Variants in PALS1 observed in about 807,000 individuals in gnomAD.
PALS1 encodes the protein protein associated with LIN7 1, MAGUK p55 family member.
A neutral mutation model predicts 78.9 loss-of-function variants in PALS1; 31 were observed. That is an observed-to-expected ratio of 0.39 (90% confidence interval 0.30 to 0.53). The LOEUF (loss-of-function observed/expected upper bound fraction) is 0.53, where lower values mean the gene tolerates loss of function less well. Among genes scored for constraint, PALS1 ranks in the 20% least tolerant of loss-of-function variants. The pLI is 0.67. For synonymous variants in PALS1, 276 were observed against 270.9 expected (o/e 1.02, Z -0.18); for missense variants, 704 against 826.5 (o/e 0.85, Z 1.82).
chr14:67,259,883 A>G (rs74861446), intron 1 of PALS1, among the ~76,000 whole-genome samples: 13 of 149,420 alleles, frequency 8.7e-5, no homozygotes, highest in Non-Finnish European at 1.8e-4. Context: ...CATCTAAGAA[A>G]AAAAAAAAAA....
At chr14:67,254,034 C>T (rs764765664) in intron 1 of PALS1, among the ~76,000 whole-genome samples, 5 of 143,390 alleles carry the variant, frequency 3.5e-5, no homozygotes, top group Admixed American at 7.1e-5. Flanking sequence ...ATCCCCCCCC[C>T]CTTACAAGTT....
At chr14:67,275,434 G>A (rs1002432165) in intron 2 of PALS1, among the ~76,000 whole-genome samples, 14 of 152,212 alleles carry the variant, frequency 9.2e-5, no homozygotes, top group African/African-American at 1.2e-4. Context: ...ATTGATTTGC[G>A]TATGTTGAAC....
In PALS1 at chr14:67,293,463, G is replaced by C. The variant is rs2084802621; in HGVS notation, c.576+744G>C. 3.3e-5 allele frequency among the ~76,000 whole-genome samples: 5 copies of C among 152,152 alleles called. No individual in the cohort carries two copies. In the South Asian group the frequency reaches 1.0e-3, roughly 32 times the overall value. The stretch of plus-strand genomic sequence containing the variant: ...GAGCAGAAAATGGGCTATTGGGGAG[G>C]GAGGACATCTAGAGCTACAGAACCT... On this transcript the variant is annotated intron_variant, in intron 4 of 14. Transcript: ENST00000261681.
chr14:67,324,031 C>T (rs1269655596), intron 14 of PALS1, among the ~76,000 whole-genome samples: 1 of 152,186 alleles, frequency 6.6e-6, no homozygotes, highest in Non-Finnish European at 1.5e-5. Flanking sequence ...CTTTGAGCGT[C>T]TTCACATGGG....
intron 3 of PALS1, among the ~76,000 whole-genome samples, chr14:67,291,095 T>C (rs1230491859): frequency 6.6e-6 from 1 of 152,106 alleles, no homozygotes; most frequent in African/African-American, 2.4e-5. Context: ...ACAAATTCTA[T>C]AATAAGAGCA....
intron 4 of PALS1, among the ~76,000 whole-genome samples, chr14:67,300,475 A>G (rs2084915859): frequency 6.6e-6 from 1 of 151,960 alleles, no homozygotes; most frequent in Non-Finnish European, 1.5e-5. Context: ...TTACAGGCAC[A>G]CGCCACCACG....
intron 1 of PALS1, among the ~76,000 whole-genome samples, chr14:67,245,747 T>C (rs1351345181): frequency 6.6e-6 from 1 of 152,186 alleles, no homozygotes; most frequent in Non-Finnish European, 1.5e-5. Flanking sequence ...CTATACTTCA[T>C]TACTTTTGAA....
At chr14:67,286,899 C>G (rs1535490) in intron 3 of PALS1, among the ~76,000 whole-genome samples, 4 of 147,340 alleles carry the variant, frequency 2.7e-5, no homozygotes, top group Non-Finnish European at 6.0e-5. Flanking sequence ...TTGAATAATA[C>G]GTATTTGTGA....
intron 8 of PALS1, among the ~76,000 whole-genome samples, chr14:67,308,382 A>G (rs1475369893): frequency 6.8e-6 from 1 of 147,756 alleles, no homozygotes. Context: ...CCTTACCTTC[A>G]TGAGTACTAA....
chr14:67,262,710 TTA>T (rs1178056346), intron 1 of PALS1, among the ~76,000 whole-genome samples: 162 of 152,300 alleles, frequency 1.1e-3, no homozygotes, highest in African/African-American at 3.7e-3. Context: ...TAGTCTCCCA[TTA>T]TTTGCAGGAG....
chr14:67,280,146 T>C (rs980236042), intron 3 of PALS1, among the ~76,000 whole-genome samples: 14 of 152,234 alleles, frequency 9.2e-5, no homozygotes, highest in African/African-American at 3.4e-4. Context: ...ATAAGTTAAA[T>C]AGCTTCTTAT....
At chr14:67,306,260 G>A (rs978079189) in intron 8 of PALS1, among the ~76,000 whole-genome samples, 20 of 148,746 alleles carry the variant, frequency 1.3e-4, no homozygotes, top group South Asian at 2.2e-4. Flanking sequence ...ATGAGCCACC[G>A]AACCCGGCCT....
intron 14 of PALS1, among the ~76,000 whole-genome samples, chr14:67,332,529 A>T (rs537571693): frequency 6.6e-6 from 1 of 152,344 alleles, no homozygotes; most frequent in African/African-American, 2.4e-5. Context: ...AAGACAAAAT[A>T]TGTGAAAACC....
At chr14:67,326,507 C>T (rs934957039) in intron 14 of PALS1, among the ~76,000 whole-genome samples, 1 of 152,054 alleles carries the variant, frequency 6.6e-6, no homozygotes, top group Middle Eastern at 3.2e-3. Flanking sequence ...ACAATACATG[C>T]ATTTTAGTTG....
intron 1 of PALS1, among the ~76,000 whole-genome samples, chr14:67,248,582 C>T (rs895943152): frequency 1.3e-5 from 2 of 152,200 alleles, no homozygotes; most frequent in Middle Eastern, 3.4e-3. Flanking sequence ...CCCTCAAAGA[C>T]GTTGAAATTT....
chr14:67,291,117 A>G (rs1404320378), intron 3 of PALS1, among the ~76,000 whole-genome samples: 1 of 152,184 alleles, frequency 6.6e-6, no homozygotes, highest in Non-Finnish European at 1.5e-5. Context: ...CCATAAATAT[A>G]ATTAAGAGGT....
intron 14 of PALS1, among the ~76,000 whole-genome samples, chr14:67,331,447 G>A (rs1029040151): frequency 3.3e-5 from 5 of 151,936 alleles, no homozygotes; most frequent in South Asian, 2.1e-4. Context: ...AAATGATGGC[G>A]TTACAAAATG....
intron 8 of PALS1, among the ~76,000 whole-genome samples, chr14:67,304,995 C>T (rs1048477904): frequency 5.9e-5 from 9 of 152,096 alleles, no homozygotes; most frequent in East Asian, 1.9e-4. Flanking sequence ...ACAGAACATA[C>T]GGAAGTTGAT....
At chr14:67,298,017 T>C (rs529881433) in intron 4 of PALS1, among the ~76,000 whole-genome samples, 1 of 152,268 alleles carries the variant, frequency 6.6e-6, no homozygotes, top group African/African-American at 2.4e-5. Flanking sequence ...CAGCATGGTT[T>C]GTGCAGGGAA....
Sources: allele counts gnomAD v4.1 joint callset (sites outside exome capture counted in the v4.1 genomes callset), GRCh38; gene constraint gnomAD v4.1.1; transcripts MANE v1.5; gene names NCBI Gene and HGNC (gene_info 2026-07-23, HGNC 2026-07-21).